The following ASAP2 variants were observed in gnomAD, a reference collection of about 807,000 sequenced individuals.
The protein encoded by ASAP2 is ArfGAP with SH3 domain, ankyrin repeat and PH domain 2, also known as arf-GAP with SH3 domain, ANK repeat and PH domain-containing protein 2.
Under a neutral mutation model 131.4 loss-of-function variants are expected in ASAP2, and 45 were observed. That is an observed-to-expected ratio of 0.34 (90% confidence interval 0.27 to 0.44). The LOEUF is 0.44. Among genes scored for constraint, ASAP2 ranks in the 20% least tolerant of loss-of-function variants. The pLI, the probability that ASAP2 is intolerant of heterozygous loss-of-function variation, is 1.00. For synonymous variants in ASAP2, 510 were observed against 503.0 expected, an observed-to-expected ratio of 1.01 and a Z score of -0.19; for missense variants, 1,011 against 1,297.0, an observed-to-expected ratio of 0.78 and a Z score of 3.39.
intron 1 of ASAP2, among the ~76,000 whole-genome samples, chr2:9,250,048 C>T (rs1209514539): frequency 2.0e-5 from 3 of 152,182 alleles, no homozygotes; most frequent in Non-Finnish European, 4.4e-5. Flanking sequence ...TTTACTTACT[C>T]ACTTGAGTTT....
intron 1 of ASAP2, among the ~76,000 whole-genome samples, chr2:9,249,020 G>T (rs1302140940): frequency 6.6e-6 from 1 of 152,164 alleles, no homozygotes; most frequent in Non-Finnish European, 1.5e-5. Context: ...TAGAATTTTA[G>T]GTCTAGAGGA....
At chr2:9,208,351 G>A (rs73151901) in intron 1 of ASAP2, among the ~76,000 whole-genome samples, 4 of 148,962 alleles carry the variant, frequency 2.7e-5, no homozygotes, top group African/African-American at 9.9e-5. Context: ...GTGTGTGGGT[G>A]GGGGGGTGGG....
chr2:9,329,608 A>T (rs920518480), intron 7 of ASAP2, among the ~76,000 whole-genome samples: 4 of 152,318 alleles, frequency 2.6e-5, no homozygotes, highest in Admixed American at 2.6e-4. Flanking sequence ...ACAAGGGTGG[A>T]TGTGGGCAAT....
intron 1 of ASAP2, among the ~76,000 whole-genome samples, chr2:9,260,352 C>T (rs930976922): frequency 3.3e-5 from 5 of 152,306 alleles, no homozygotes; most frequent in African/African-American, 1.2e-4. Context: ...TGGCTGATCC[C>T]TGTGCACCTT....
At chr2:9,247,619 T>C (rs1471483843) in intron 1 of ASAP2, among the ~76,000 whole-genome samples, 3 of 152,220 alleles carry the variant, frequency 2.0e-5, no homozygotes, top group African/African-American at 7.2e-5. Flanking sequence ...CAGATGTCTT[T>C]GGTCCTCAGA....
At chr2:9,340,920 GAT>G (rs1393586812) in intron 9 of ASAP2, among the ~76,000 whole-genome samples, 1 of 152,192 alleles carries the variant, frequency 6.6e-6, no homozygotes, top group Non-Finnish European at 1.5e-5. Flanking sequence ...GTTGGACACT[GAT>G]AGAATTTCAT....
At chr2:9,356,460 T>C (rs1477868669) in intron 14 of ASAP2, 115 bp downstream of exon 14, 1 of 1,207,428 alleles carries the variant, frequency 8.3e-7, no homozygotes, top group Non-Finnish European at 1.1e-6. Context: ...TAAGTGCAGC[T>C]CAGCCTGAGT....
intron 11 of ASAP2, 58 bp downstream of exon 11, chr2:9,344,858 G>A (rs375691674): frequency 4.3e-5 from 64 of 1,493,218 alleles, no homozygotes; most frequent in Non-Finnish European, 5.6e-5. Context: ...TGGTGTTGGA[G>A]GACTTTCTGA....
intron 16 of ASAP2, among the ~76,000 whole-genome samples, chr2:9,373,220 A>C (rs1269810467): frequency 5.3e-5 from 8 of 152,072 alleles, no homozygotes; most frequent in Admixed American, 5.2e-4. Flanking sequence ...GTGTGATAAA[A>C]GTGCCAGAGC....
At chr2:9,381,960 C>T (rs1308541056) in intron 20 of ASAP2, among the ~76,000 whole-genome samples, 1 of 149,542 alleles carries the variant, frequency 6.7e-6, no homozygotes, top group African/African-American at 2.5e-5. Context: ...AAGCACTGTA[C>T]ATCCACGAGC....
chr2:9,297,470 C>G (rs767402695), intron 3 of ASAP2, 25 bp downstream of exon 3: 10 of 1,612,228 alleles, frequency 6.2e-6, no homozygotes, highest in Admixed American at 3.3e-5. Flanking sequence ...GTATGAAATG[C>G]TGCGGTTACT....
intron 1 of ASAP2, among the ~76,000 whole-genome samples, chr2:9,239,515 A>C (rs1263519902): frequency 6.6e-6 from 1 of 152,152 alleles, no homozygotes; most frequent in African/African-American, 2.4e-5. Flanking sequence ...TGAACTCATT[A>C]CTTCTTATAA....
intron 2 of ASAP2, among the ~76,000 whole-genome samples, chr2:9,279,634 C>T (rs1462098473): frequency 1.3e-5 from 2 of 152,188 alleles, no homozygotes; most frequent in African/African-American, 2.4e-5. Context: ...GTCTGTCCCA[C>T]GTTGCACTTC....
At chr2:9,234,156 G>C (rs914572688) in intron 1 of ASAP2, among the ~76,000 whole-genome samples, 3 of 151,518 alleles carry the variant, frequency 2.0e-5, no homozygotes, top group South Asian at 4.2e-4. Flanking sequence ...GTTCACAGAG[G>C]TGAAGCAATG....
chr2:9,374,922 A>G lies in ASAP2; in HGVS notation c.1724A>G (p.Lys575Arg). 6.2e-7 allele frequency: 1 copy of G among 1,609,364 alleles called. No individual in the cohort carries two copies. The highest frequency in any genetic ancestry group is 1.3e-5 in the African/African-American group (1 of 74,310). Residue 575 changes from lysine (K) to arginine (R), a missense_variant, in exon 17 of 28, where the codon AAA becomes AGA. This residue lies in a region of ASAP2 where 652 missense variants were observed against 698.9 expected (regional missense o/e 0.93). Transcript: ENST00000281419. ...GCTGATGGTGTGGATCTTACGGAAA[A>G]AATCCCACTGGCCAACGGACATGTA... ...AYADGVDLTE[K>R]IPLANGHEPD...
intron 1 of ASAP2, among the ~76,000 whole-genome samples, chr2:9,245,557 A>G (rs1034205287): frequency 6.6e-6 from 1 of 152,212 alleles, no homozygotes; most frequent in Admixed American, 6.5e-5. Context: ...TGTTGCTCGA[A>G]TATCACTATA....
chr2:9,356,121 G>A (rs748898474), intron 13 of ASAP2, 26 bp downstream of exon 13: 3 of 1,614,084 alleles, frequency 1.9e-6, no homozygotes. Flanking sequence ...GTGGGACTTT[G>A]GGCTGGACTC....
chr2:9,344,920 T>G, intron 11 of ASAP2, 120 bp downstream of exon 11: 1 of 769,678 alleles, frequency 1.3e-6, no homozygotes, highest in Non-Finnish European at 2.0e-6. Context: ...AGGATGTGTC[T>G]TAGAGAATTT....
chr2:9,352,363 C>T (rs1672411036), intron 12 of ASAP2, among the ~76,000 whole-genome samples: 1 of 152,102 alleles, frequency 6.6e-6, no homozygotes, highest in Non-Finnish European at 1.5e-5. Flanking sequence ...GGGGCTAACT[C>T]AGGGTTTTAG....
Sources: gnomAD v4.1 joint callset for allele counts (sites outside exome capture counted in the v4.1 genomes callset) on GRCh38, gnomAD v4.1.1 for gene constraint, gnomAD v4.1.1 regional missense constraint, MANE v1.5 for transcripts, NCBI Gene and HGNC (gene_info 2026-07-23, HGNC 2026-07-21) for gene names.